MICU1: variants seen among roughly 807,000 people sequenced by gnomAD.
MICU1 encodes the protein calcium uptake protein 1, mitochondrial.
A neutral mutation model predicts 56.8 loss-of-function variants in MICU1; 45 were observed. That is an observed-to-expected ratio of 0.79 (90% confidence interval 0.62 to 1.02). MICU1 has a LOEUF of 1.02. MICU1 is among the 50% of genes least tolerant of loss of function. MICU1 has a pLI of 0.00. For missense variants in MICU1, 504 were observed against 587.1 expected, an observed-to-expected ratio of 0.86 and a Z score of 1.46; for synonymous variants, 186 against 195.1, an observed-to-expected ratio of 0.95 and a Z score of 0.39.
chr10:72,600,098 T>C (rs1209666918), intron 1 of MICU1, among the ~76,000 whole-genome samples: 1 of 147,518 alleles, frequency 6.8e-6, no homozygotes, highest in East Asian at 2.1e-4. Flanking sequence ...TCAAGACCAG[T>C]CTGGCCAACA....
At chr10:72,460,799 A>T (rs919640816) in intron 8 of MICU1, among the ~76,000 whole-genome samples, 2 of 152,144 alleles carry the variant, frequency 1.3e-5, no homozygotes, top group African/African-American at 4.8e-5. Flanking sequence ...AAAGAAAAAA[A>T]ATTACATTTA....
intron 1 of MICU1, among the ~76,000 whole-genome samples, chr10:72,623,334 AAAGGG>A (rs1198750952): frequency 2.0e-5 from 3 of 148,368 alleles, no homozygotes; most frequent in Non-Finnish European, 4.5e-5. Context: ...CAAGAAAAGA[AAAGGG>A]AAGGGGAGGG....
chr10:72,582,359 C>G (rs1412743567), intron 1 of MICU1, among the ~76,000 whole-genome samples: 1 of 152,208 alleles, frequency 6.6e-6, no homozygotes, highest in East Asian at 1.9e-4. Context: ...TGCGAGGACA[C>G]AGCAAGAGGC....
chr10:72,373,882 T>C (rs1862429409), intron 11 of MICU1, among the ~76,000 whole-genome samples: 1 of 152,220 alleles, frequency 6.6e-6, no homozygotes, highest in South Asian at 2.1e-4. Context: ...ATTAGAACTC[T>C]CTGCGATGTG....
intron 8 of MICU1, among the ~76,000 whole-genome samples, chr10:72,449,016 C>T (rs903919525): frequency 2.0e-5 from 3 of 152,160 alleles, no homozygotes; most frequent in African/African-American, 7.2e-5. Flanking sequence ...CTCACGTAGC[C>T]TCGACCTCCT....
At chr10:72,438,955 G>T (rs1485053850) in intron 8 of MICU1, among the ~76,000 whole-genome samples, 1 of 152,252 alleles carries the variant, frequency 6.6e-6, no homozygotes, top group East Asian at 1.9e-4. Flanking sequence ...ATTCACAGGT[G>T]AATTCTACCA....
chr10:72,371,540 C>T (rs896557746), intron 11 of MICU1, among the ~76,000 whole-genome samples: 66 of 151,846 alleles, frequency 4.3e-4, no homozygotes, highest in Admixed American at 3.3e-4. Flanking sequence ...GTCAGAAGTT[C>T]GAGACCAGCC....
At chr10:72,625,629 C>G (rs1218731484) in intron 1 of MICU1, among the ~76,000 whole-genome samples, 1 of 152,200 alleles carries the variant, frequency 6.6e-6, no homozygotes, top group Non-Finnish European at 1.5e-5. Flanking sequence ...AACTCCCGCA[C>G]CCACTTCTAA....
At chr10:72,550,915 G>A (rs1320611655) in intron 4 of MICU1, among the ~76,000 whole-genome samples, 3 of 152,078 alleles carry the variant, frequency 2.0e-5, no homozygotes, top group South Asian at 2.1e-4. Context: ...TATTGCCTTC[G>A]AGAACATTCT....
chr10:72,597,803 T>C (rs1214685216), intron 1 of MICU1, among the ~76,000 whole-genome samples: 1 of 152,158 alleles, frequency 6.6e-6, no homozygotes, highest in African/African-American at 2.4e-5. Flanking sequence ...GGAGGCTGGA[T>C]TGGTCTCCTT....
At chr10:72,586,024 T>TC (rs1841048779) in intron 1 of MICU1, among the ~76,000 whole-genome samples, 1 of 134,740 alleles carries the variant, frequency 7.4e-6, no homozygotes, top group African/African-American at 2.8e-5. Flanking sequence ...TTTTTTTTTT[T>TC]TTTTTTTTGA....
At chr10:72,610,316 C>CT (rs928234803) in intron 1 of MICU1, among the ~76,000 whole-genome samples, 4 of 150,990 alleles carry the variant, frequency 2.6e-5, no homozygotes, top group East Asian at 1.9e-4. Flanking sequence ...TTTTACGACA[C>CT]TTTTTTTAAA....
chr10:72,490,601 C>T (rs1453707553), intron 6 of MICU1, among the ~76,000 whole-genome samples: 1 of 152,112 alleles, frequency 6.6e-6, no homozygotes, highest in African/African-American at 2.4e-5. Context: ...CTTGTAATTA[C>T]AGAGAGAGTT....
At chr10:72,369,578 C>T (rs1339623268) in intron 11 of MICU1, among the ~76,000 whole-genome samples, 2 of 152,034 alleles carry the variant, frequency 1.3e-5, no homozygotes, top group African/African-American at 2.4e-5. Flanking sequence ...GAGGGGGTTT[C>T]GTGGTGAAAA....
intron 5 of MICU1, 82 bp downstream of exon 5, chr10:72,533,664 C>T (rs1219376968): frequency 1.8e-5 from 19 of 1,083,840 alleles, no homozygotes; most frequent in Non-Finnish European, 2.3e-5. Context: ...TCAGTGATTT[C>T]TCAAACATAA....
At chr10:72,595,102 T>C (rs528301298) in intron 1 of MICU1, among the ~76,000 whole-genome samples, 2 of 151,964 alleles carry the variant, frequency 1.3e-5, no homozygotes, top group Admixed American at 1.3e-4. Context: ...TATTTTTCCA[T>C]GTGTAAATCC....
intron 10 of MICU1, among the ~76,000 whole-genome samples, chr10:72,402,409 T>C (rs1863484929): frequency 6.6e-6 from 1 of 152,208 alleles, no homozygotes; most frequent in African/African-American, 2.4e-5. Flanking sequence ...GTTATTTTAA[T>C]GTAAATTCTT....
chr10:72,477,139 T>C lies in MICU1; in HGVS notation c.735+35A>G, dbSNP rs184365691. ...GCACATGAAAATGTATTTTAAATAT[T>C]AATGTATTTAGAGGAACTCTCCAGG... On this transcript the variant is annotated intron_variant, in intron 7 of 11. Coordinates refer to ENST00000361114, the MANE Select transcript of MICU1 (RefSeq NM_001195518.2). 3.8e-4 allele frequency: 534 copies of C among 1,417,210 alleles called. No individual in the cohort carries two copies. In the African/African-American group the frequency reaches 6.9e-3, roughly 18 times the overall value. The allele number at this position is 1,417,210 out of a possible 1,614,324, so 87.8% of individuals were successfully genotyped here. A position where few individuals can be genotyped will look rare whatever the true frequency, so the allele number is the denominator to read the frequency against.
chr10:72,415,097 C>A lies in MICU1; in HGVS notation c.1072-7060G>T, dbSNP rs1324140712. 2.0e-5 allele frequency among the ~76,000 whole-genome samples: 3 copies of A among 150,130 alleles called. No homozygotes were observed. The South Asian group carries it at 6.3e-4, about 31-fold the overall frequency. Reference sequence around the variant, plus strand: ...ATGGAGCAATCTTGGCTCACTGCAACCTTCGCCTTCCAAGTTCAAGCAATT... The same window carrying A: ...ATGGAGCAATCTTGGCTCACTGCAAACTTCGCCTTCCAAGTTCAAGCAATT... On this transcript the variant is annotated intron_variant, in intron 9 of 11. Transcript: ENST00000361114.
Sources: allele counts gnomAD v4.1 joint callset (sites outside exome capture counted in the v4.1 genomes callset), GRCh38; gene constraint gnomAD v4.1.1; transcripts MANE v1.5; gene names NCBI Gene and HGNC (gene_info 2026-07-23, HGNC 2026-07-21).